Variants in SNX29 observed in about 807,000 individuals in gnomAD.
SNX29 encodes the protein sorting nexin 29.
Under a neutral mutation model 102.1 loss-of-function variants are expected in SNX29, and 78 were observed. That is an observed-to-expected ratio of 0.76 (90% confidence interval 0.64 to 0.92). SNX29 has a LOEUF of 0.92. Ranked by LOEUF, SNX29 falls within the 40% of genes least tolerant of loss-of-function variation. The pLI, the probability that SNX29 is intolerant of heterozygous loss-of-function variation, is 0.00. For missense variants in SNX29, 1,280 were observed against 1,061.7 expected (o/e 1.21, Z -2.86); for synonymous variants, 580 against 414.5 (o/e 1.40, Z -4.85).
intron 5 of SNX29, 62 bp downstream of exon 5, chr16:12,043,139 G>C (rs2049953848): frequency 6.3e-7 from 1 of 1,583,006 alleles, no homozygotes; most frequent in South Asian, 1.1e-5. Flanking sequence ...TTGGAGTCTG[G>C]AATCAGACCA....
chr16:12,020,267 C>T (rs2056979199), intron 3 of SNX29, among the ~76,000 whole-genome samples: 1 of 152,070 alleles, frequency 6.6e-6, no homozygotes, highest in Admixed American at 6.6e-5. Context: ...GGACTACAGG[C>T]ATGCGCAACC....
At chr16:12,511,294 G>A (rs1462739511) in intron 19 of SNX29, among the ~76,000 whole-genome samples, 1 of 152,188 alleles carries the variant, frequency 6.6e-6, no homozygotes, top group Non-Finnish European at 1.5e-5. Flanking sequence ...TGGAACTCAA[G>A]CAGACGTGGC....
chr16:12,555,701 G>C (rs3135012), intron 20 of SNX29, among the ~76,000 whole-genome samples: 3 of 151,876 alleles, frequency 2.0e-5, no homozygotes, highest in East Asian at 2.0e-4. Context: ...GATACTCTAC[G>C]AGATTCTCCC....
At chr16:12,288,743 T>A (rs1453668650) in intron 15 of SNX29, among the ~76,000 whole-genome samples, 1 of 151,960 alleles carries the variant, frequency 6.6e-6, no homozygotes, top group African/African-American at 2.4e-5. Context: ...GGGGCTATTC[T>A]ATTTTTAGGC....
At chr16:12,230,189 C>T (rs902267536) in intron 14 of SNX29, among the ~76,000 whole-genome samples, 2 of 152,164 alleles carry the variant, frequency 1.3e-5, no homozygotes, top group South Asian at 4.1e-4. Context: ...CATTAGTTGT[C>T]AAAGTTTGCC....
chr16:12,407,893 T>A (rs769153178), intron 18 of SNX29, among the ~76,000 whole-genome samples: 1 of 152,154 alleles, frequency 6.6e-6, no homozygotes, highest in Admixed American at 6.5e-5. Context: ...GATAGGAGAA[T>A]TGCTTGAGCC....
At chr16:12,114,468 C>T (rs2053615794) in intron 11 of SNX29, among the ~76,000 whole-genome samples, 3 of 152,124 alleles carry the variant, frequency 2.0e-5, no homozygotes, top group Admixed American at 2.0e-4. Flanking sequence ...GCCCTGGCCT[C>T]CTCATTCTGA....
intron 15 of SNX29, among the ~76,000 whole-genome samples, chr16:12,314,476 C>T (rs1232962889): frequency 6.6e-6 from 1 of 152,222 alleles, no homozygotes; most frequent in Non-Finnish European, 1.5e-5. Context: ...AGCCGAGTTC[C>T]CTAGCCTTTC....
In SNX29 at chr16:12,477,859, G is replaced by A; in HGVS notation, c.2178G>A (p.Lys726=). 1 of 1,599,204 alleles carries A rather than the reference G, an allele frequency of 6.3e-7. No individual in the cohort carries two copies. The highest frequency in any genetic ancestry group is 8.5e-7 in the Non-Finnish European group (1 of 1,175,068). The change falls in exon 19 of 21, where the codon AAG becomes AAA. Residue 726 remains lysine, a splice_region_variant and synonymous_variant. Coordinates refer to ENST00000566228, the MANE Select transcript of SNX29 (RefSeq NM_032167.5). ...CACCCAAAAAGGCCATTGGAAACAA[G>A]GTACCATCCCGTGCTGGGAAGCCCA... ...NFPPKKAIGN[K]DAKFVEERRK...
At position 12,244,135 on chromosome 16, in the gene SNX29, G is replaced by A. The variant is rs142979910; in HGVS notation, c.1679-33798G>A. On this transcript the variant is annotated intron_variant, in intron 14 of 20. Coordinates refer to ENST00000566228, the MANE Select transcript of SNX29 (RefSeq NM_032167.5). ...TAATGCCACCTCTGATCTGACAGGA[G>A]GTGGAGCTCAGGCGGTGATGCTCAC... Among the ~76,000 whole-genome samples, 557 of 152,252 alleles carry A rather than the reference G, an allele frequency of 3.7e-3. 3 individuals are homozygous for A. Among genetic ancestry groups the A allele is most frequent in the African/African-American group, 0.013 (530 of 41,540 alleles).
intron 20 of SNX29, chr16:12,546,551 A>C (rs1277363176): frequency 6.6e-6 from 1 of 152,216 alleles, no homozygotes; most frequent in Non-Finnish European, 1.5e-5. Context: ...GATACATGGG[A>C]ATTCAAGATG....
intron 15 of SNX29, among the ~76,000 whole-genome samples, chr16:12,302,538 T>C (rs569070177): frequency 2.6e-5 from 4 of 152,300 alleles, no homozygotes; most frequent in East Asian, 3.9e-4. Context: ...GTTCTTGCCA[T>C]GTTCTCACAT....
At chr16:12,467,001 A>G (rs936381558) in intron 18 of SNX29, among the ~76,000 whole-genome samples, 1 of 152,208 alleles carries the variant, frequency 6.6e-6, no homozygotes, top group Non-Finnish European at 1.5e-5. Flanking sequence ...TAGGGGAACA[A>G]GAGTGCCCAC....
At chr16:12,553,159 G>A (rs1282719931) in intron 20 of SNX29, among the ~76,000 whole-genome samples, 1 of 152,206 alleles carries the variant, frequency 6.6e-6, no homozygotes, top group African/African-American at 2.4e-5. Context: ...GGTCCTTCCT[G>A]GGATTTTTGG....
In SNX29 at chr16:12,553,318, C is replaced by T. The variant is rs150043981; in HGVS notation, c.2319-15188C>T. ...TGAGTGGGCACCTGGCCCTGGGAAA[C>T]GCCCTAACAAGGCAGGCAGAGAAAC... is the stretch of plus-strand genomic sequence containing the variant. On this transcript the variant is annotated intron_variant, in intron 20 of 20. Coordinates refer to ENST00000566228, the MANE Select transcript of SNX29 (RefSeq NM_032167.5). 3.4e-3 allele frequency among the ~76,000 whole-genome samples: 520 copies of T among 152,318 alleles called. 11 individuals are homozygous for T. Among genetic ancestry groups the T allele is most frequent in the Admixed American group, 0.031 (472 of 15,302 alleles).
At chr16:12,169,218 A>G (rs1289164236) in intron 13 of SNX29, among the ~76,000 whole-genome samples, 1 of 152,228 alleles carries the variant, frequency 6.6e-6, no homozygotes, top group Non-Finnish European at 1.5e-5. Flanking sequence ...TTTAAGAAGG[A>G]GAAGCCTGAC....
chr16:12,359,345 C>A (rs1027400653), intron 16 of SNX29, among the ~76,000 whole-genome samples: 7 of 151,242 alleles, frequency 4.6e-5, no homozygotes, highest in African/African-American at 1.7e-4. Flanking sequence ...CTACCAATAC[C>A]TTTTTGCATG....
chr16:12,545,209 G>GA lies in SNX29; in HGVS notation c.2318+20368_2318+20369insA, dbSNP rs1299648339. On this transcript the variant is annotated intron_variant, in intron 20 of 20. Transcript: ENST00000566228. ...TGGTCAATACAAAAAAGGAAGGGGT[G>GA]GGGCAGGCAATGACAGGGAAAGGGC... Among the ~76,000 whole-genome samples, 12 of 152,328 alleles carry GA rather than the reference G, an allele frequency of 7.9e-5. No individual in the cohort carries two copies. In the South Asian group the frequency reaches 2.5e-3, roughly 32 times the overall value.
intron 15 of SNX29, among the ~76,000 whole-genome samples, chr16:12,303,030 T>A (rs2080227757): frequency 6.6e-6 from 1 of 152,324 alleles, no homozygotes; most frequent in South Asian, 2.1e-4. Context: ...GACCCTTTTG[T>A]TCTTGAAGTA....
Sources: allele counts gnomAD v4.1 joint callset (sites outside exome capture counted in the v4.1 genomes callset), GRCh38; gene constraint gnomAD v4.1.1; transcripts MANE v1.5; gene names NCBI Gene and HGNC (gene_info 2026-07-23, HGNC 2026-07-21).